CNTNAP5: variants seen among roughly 807,000 people sequenced by gnomAD.
The protein encoded by CNTNAP5 is contactin-associated protein-like 5.
A neutral mutation model predicts 150.2 loss-of-function variants in CNTNAP5; 72 were observed. The ratio of observed to expected loss-of-function variants is 0.48; its 90% CI spans 0.40 to 0.58. CNTNAP5 has a LOEUF of 0.58. CNTNAP5 is among the 20% of genes least tolerant of loss of function. The pLI, the probability that CNTNAP5 is intolerant of heterozygous loss-of-function variation, is 0.00. For synonymous variants in CNTNAP5, 672 were observed against 619.8 expected (o/e 1.08, Z -1.25); for missense variants, 1,636 against 1,626.2 (o/e 1.01, Z -0.10).
At chr2:124,065,411 G>A (rs1682129291) in intron 1 of CNTNAP5, among the ~76,000 whole-genome samples, 1 of 151,840 alleles carries the variant, frequency 6.6e-6, no homozygotes, top group African/African-American at 2.4e-5. Flanking sequence ...TTTTCTGTGT[G>A]ATGCAAAGGT....
intron 1 of CNTNAP5, among the ~76,000 whole-genome samples, chr2:124,198,680 T>C (rs2104705634): frequency 6.6e-6 from 1 of 152,302 alleles, no homozygotes; most frequent in Non-Finnish European, 1.5e-5. Flanking sequence ...TTTTCTGACA[T>C]TTTAAATTCT....
intron 3 of CNTNAP5, among the ~76,000 whole-genome samples, chr2:124,305,443 G>C (rs945311479): frequency 3.3e-5 from 5 of 152,150 alleles, no homozygotes; most frequent in African/African-American, 1.2e-4. Flanking sequence ...TTATTAGTTT[G>C]ACATTTAGGA....
chr2:124,120,837 T>C lies in CNTNAP5; in HGVS notation c.82+95105T>C, dbSNP rs1683543087. 2.0e-5 allele frequency among the ~76,000 whole-genome samples: 3 copies of C among 152,308 alleles called. No individual in the cohort carries two copies. The South Asian group carries it at 6.2e-4, about 32-fold the overall frequency. ...CATTTTTCTCGTTATATGACCTCAA[T>C]GAAGTGCCTGGGTATGCAATCACCC... On this transcript the variant is annotated intron_variant, in intron 1 of 23. Coordinates refer to ENST00000682447, the MANE Select transcript of CNTNAP5 (RefSeq NM_001367498.1).
intron 14 of CNTNAP5, among the ~76,000 whole-genome samples, chr2:124,753,084 T>A (rs1347949556): frequency 1.3e-5 from 2 of 152,220 alleles, no homozygotes; most frequent in African/African-American, 4.8e-5. Flanking sequence ...ATTTGATTTT[T>A]AGTAACTCTG....
intron 1 of CNTNAP5, among the ~76,000 whole-genome samples, chr2:124,190,469 G>A (rs1349297386): frequency 1.3e-5 from 2 of 152,124 alleles, no homozygotes; most frequent in Non-Finnish European, 2.9e-5. Context: ...GATCCTGTAG[G>A]ATGCTTATTA....
chr2:124,263,845 C>T (rs535189804), intron 3 of CNTNAP5, among the ~76,000 whole-genome samples: 13 of 152,246 alleles, frequency 8.5e-5, no homozygotes, highest in African/African-American at 2.9e-4. Flanking sequence ...AGGAAGGGAT[C>T]CAGTTTCAGC....
intron 3 of CNTNAP5, among the ~76,000 whole-genome samples, chr2:124,313,152 G>A (rs1216183161): frequency 6.6e-6 from 1 of 152,196 alleles, no homozygotes; most frequent in Non-Finnish European, 1.5e-5. Flanking sequence ...TCATCGATAT[G>A]TAACAGTCAC....
chr2:124,437,349 C>T (rs545623929), intron 5 of CNTNAP5, among the ~76,000 whole-genome samples: 83 of 152,138 alleles, frequency 5.5e-4, no homozygotes, highest in Non-Finnish European at 8.7e-4. Flanking sequence ...ATGTCCAGTC[C>T]GATCCTCAAG....
chr2:124,750,427 C>A (rs1156844847), intron 14 of CNTNAP5, among the ~76,000 whole-genome samples: 1 of 152,186 alleles, frequency 6.6e-6, no homozygotes, highest in Admixed American at 6.5e-5. Flanking sequence ...GAGCTTCATT[C>A]ATTGTCTTAG....
intron 11 of CNTNAP5, among the ~76,000 whole-genome samples, chr2:124,597,936 C>A (rs1354675487): frequency 7.6e-6 from 1 of 131,200 alleles, no homozygotes; most frequent in African/African-American, 2.8e-5. Context: ...TTGATCGCAT[C>A]GGCTCCTGAG....
intron 9 of CNTNAP5, among the ~76,000 whole-genome samples, chr2:124,525,073 C>T (rs1180715416): frequency 6.6e-6 from 1 of 152,112 alleles, no homozygotes; most frequent in African/African-American, 2.4e-5. Context: ...TTTCCAATGA[C>T]AAAAACACAA....
chr2:124,734,536 C>A (rs1680342137), intron 13 of CNTNAP5, among the ~76,000 whole-genome samples: 2 of 151,812 alleles, frequency 1.3e-5, no homozygotes, highest in Admixed American at 1.3e-4. Context: ...TCTTTTGGGA[C>A]TCTTGTAGCA....
intron 19 of CNTNAP5, among the ~76,000 whole-genome samples, chr2:124,811,709 G>C (rs1006743961): frequency 7.3e-6 from 1 of 137,072 alleles, no homozygotes; most frequent in African/African-American, 3.5e-5. Context: ...TAGGAGGCGG[G>C]GGGGGTGGAT....
At chr2:124,552,819 C>G (rs1695657666) in intron 10 of CNTNAP5, among the ~76,000 whole-genome samples, 1 of 152,136 alleles carries the variant, frequency 6.6e-6, no homozygotes. Flanking sequence ...CCACTGTTAA[C>G]AGTTTTCCAG....
intron 19 of CNTNAP5, among the ~76,000 whole-genome samples, chr2:124,809,373 T>C (rs1413411505): frequency 3.5e-5 from 5 of 143,580 alleles, no homozygotes; most frequent in Non-Finnish European, 6.0e-5. Flanking sequence ...CATAAAACAA[T>C]AATATGGTAT....
intron 3 of CNTNAP5, among the ~76,000 whole-genome samples, chr2:124,372,591 C>T (rs1690554213): frequency 6.6e-6 from 1 of 152,046 alleles, no homozygotes. Flanking sequence ...AGTGAATCAA[C>T]CTTAGGATGA....
At chr2:124,451,045 A>ATATATATATATATAT (rs1287236471) in intron 6 of CNTNAP5, among the ~76,000 whole-genome samples, 1 of 75,328 alleles carries the variant, frequency 1.3e-5, no homozygotes, top group East Asian at 3.0e-4. Context: ...AAAAAAAAAA[A>ATATATATATATATAT]AAAAAAATAT....
chr2:124,158,743 T>C (rs980978459), intron 1 of CNTNAP5, among the ~76,000 whole-genome samples: 1 of 152,194 alleles, frequency 6.6e-6, no homozygotes, highest in Non-Finnish European at 1.5e-5. Flanking sequence ...GTCCTCAAAA[T>C]AGATTGTTGC....
intron 13 of CNTNAP5, among the ~76,000 whole-genome samples, chr2:124,738,587 C>T (rs1037045511): frequency 2.2e-4 from 33 of 152,092 alleles, no homozygotes; most frequent in African/African-American, 7.2e-4. Flanking sequence ...AAAAATTAGC[C>T]GGGTGTGGCG....
Sources: allele counts gnomAD v4.1 joint callset (sites outside exome capture counted in the v4.1 genomes callset), GRCh38; gene constraint gnomAD v4.1.1; transcripts MANE v1.5; gene names NCBI Gene and HGNC (gene_info 2026-07-23, HGNC 2026-07-21).